EPHA6: variants seen among roughly 807,000 people sequenced by gnomAD.
EPHA6 encodes the protein ephrin type-A receptor 6.
In EPHA6, 50 loss-of-function variants were observed where a neutral mutation model predicts 112.0. The observed-to-expected ratio is 0.45, with a 90% CI of 0.36 to 0.56. The LOEUF is 0.56. Among genes scored for constraint, EPHA6 ranks in the 20% least tolerant of loss-of-function variants. The pLI, the probability that EPHA6 is intolerant of heterozygous loss-of-function variation, is 0.00. For synonymous variants in EPHA6, 529 were observed against 490.7 expected, an observed-to-expected ratio of 1.08 and a Z score of -1.03; for missense variants, 1,280 against 1,417.4, an observed-to-expected ratio of 0.90 and a Z score of 1.56.
intron 3 of EPHA6, among the ~76,000 whole-genome samples, chr3:97,177,036 C>T (rs2076855645): frequency 6.6e-6 from 1 of 151,788 alleles, no homozygotes; most frequent in East Asian, 1.9e-4. Flanking sequence ...AAATTTTCCT[C>T]TGAGTACTGC....
chr3:97,367,009 T>C (rs1291323862), intron 5 of EPHA6, among the ~76,000 whole-genome samples: 3 of 152,142 alleles, frequency 2.0e-5, no homozygotes, highest in African/African-American at 7.2e-5. Flanking sequence ...CATCCTCTTA[T>C]GACAGATGAA....
intron 16 of EPHA6, among the ~76,000 whole-genome samples, chr3:97,746,399 T>C (rs147826510): frequency 1.3e-5 from 2 of 151,884 alleles, no homozygotes; most frequent in East Asian, 3.9e-4. Context: ...TACCACCAAG[T>C]ATTTTTTAAA....
At chr3:97,704,387 C>T (rs1411159834) in intron 14 of EPHA6, among the ~76,000 whole-genome samples, 4 of 152,148 alleles carry the variant, frequency 2.6e-5, no homozygotes, top group Admixed American at 2.6e-4. Context: ...TTCTCTTTCT[C>T]TTCTGGACCT....
At chr3:97,704,042 A>G (rs1447847644) in intron 14 of EPHA6, among the ~76,000 whole-genome samples, 1 of 152,196 alleles carries the variant, frequency 6.6e-6, no homozygotes, top group East Asian at 1.9e-4. Context: ...ACTAAATTAT[A>G]TAAAACATAT....
intron 3 of EPHA6, among the ~76,000 whole-genome samples, chr3:97,083,331 C>T (rs1285856455): frequency 2.0e-5 from 3 of 151,934 alleles, no homozygotes; most frequent in Admixed American, 6.6e-5. Flanking sequence ...ATTCCAATAT[C>T]GCTTTTTGTT....
intron 5 of EPHA6, among the ~76,000 whole-genome samples, chr3:97,391,869 T>C (rs559779300): frequency 6.6e-6 from 1 of 152,022 alleles, no homozygotes; most frequent in South Asian, 2.1e-4. Flanking sequence ...ATGGGTTGTT[T>C]CACAGCCCCA....
chr3:97,093,994 G>A (rs899803244), intron 3 of EPHA6, among the ~76,000 whole-genome samples: 1 of 152,006 alleles, frequency 6.6e-6, no homozygotes, highest in Non-Finnish European at 1.5e-5. Context: ...AGAGCAAAGG[G>A]GTTACCTCTG....
rs550268195 is a variant in EPHA6, at chr3:97,183,617, C to A, written c.1115-42647C>A. On this transcript the variant is annotated intron_variant, in intron 3 of 17. Transcript: ENST00000389672. ...TTTCTTTGTCAATATCTCATGTTTT[C>A]TTTAATTAAATTAAACATAATGGCC... Among the ~76,000 whole-genome samples, 11 of 152,076 alleles carry A rather than the reference C, an allele frequency of 7.2e-5. No individual in the cohort carries two copies. The East Asian group carries it at 1.9e-3, about 27-fold the overall frequency.
At chr3:97,512,243 G>C (rs1278651225) in intron 10 of EPHA6, among the ~76,000 whole-genome samples, 1 of 151,934 alleles carries the variant, frequency 6.6e-6, no homozygotes, top group Non-Finnish European at 1.5e-5. Flanking sequence ...CTCAATCATG[G>C]TTTAATTTAC....
At chr3:97,652,094 C>A (rs2094111241) in intron 14 of EPHA6, among the ~76,000 whole-genome samples, 1 of 152,030 alleles carries the variant, frequency 6.6e-6, no homozygotes, top group Admixed American at 6.6e-5. Flanking sequence ...AACATACCTG[C>A]TGACATTAAA....
At chr3:97,067,566 A>G (rs2046216701) in intron 3 of EPHA6, among the ~76,000 whole-genome samples, 1 of 151,276 alleles carries the variant, frequency 6.6e-6, no homozygotes, top group Admixed American at 6.6e-5. Context: ...ACCAAAGAGA[A>G]GCAATAGTAG....
intron 3 of EPHA6, among the ~76,000 whole-genome samples, chr3:97,026,813 A>T (rs995810083): frequency 6.6e-6 from 1 of 152,166 alleles, no homozygotes; most frequent in Non-Finnish European, 1.5e-5. Context: ...TGGAGAAAAA[A>T]GAAATCATAT....
chr3:97,494,646 A>G (rs1271923097), intron 10 of EPHA6, among the ~76,000 whole-genome samples: 1 of 152,072 alleles, frequency 6.6e-6, no homozygotes, highest in Non-Finnish European at 1.5e-5. Flanking sequence ...AAGATAGCCC[A>G]TTCCCTTGGG....
At chr3:97,328,073 AT>A (rs2108809553) in intron 5 of EPHA6, among the ~76,000 whole-genome samples, 1 of 146,062 alleles carries the variant, frequency 6.8e-6, no homozygotes, top group African/African-American at 2.5e-5. Flanking sequence ...ATATATATAT[AT>A]ATATAACCTG....
intron 16 of EPHA6, among the ~76,000 whole-genome samples, chr3:97,742,161 C>A (rs557805582): frequency 2.0e-5 from 3 of 152,200 alleles, no homozygotes; most frequent in South Asian, 4.1e-4. Flanking sequence ...CTCACTATGG[C>A]AGATATTACT....
chr3:97,200,070 A>G (rs1462514380), intron 3 of EPHA6, among the ~76,000 whole-genome samples: 1 of 152,116 alleles, frequency 6.6e-6, no homozygotes, highest in Non-Finnish European at 1.5e-5. Flanking sequence ...TGTTTTGGGA[A>G]CAAATAGTTA....
chr3:97,572,147 CTTT>C (rs869271956), intron 11 of EPHA6, among the ~76,000 whole-genome samples: 2 of 128,350 alleles, frequency 1.6e-5, no homozygotes, highest in Non-Finnish European at 3.3e-5. Flanking sequence ...ATCTCTTTTC[CTTT>C]TTTTTTTTTT....
intron 4 of EPHA6, among the ~76,000 whole-genome samples, chr3:97,234,104 A>G (rs2078612405): frequency 6.6e-6 from 1 of 152,090 alleles, no homozygotes; most frequent in African/African-American, 2.4e-5. Context: ...ATCCTAATTT[A>G]TTCACATAAA....
At chr3:97,641,919 G>A (rs370412886) in intron 14 of EPHA6, among the ~76,000 whole-genome samples, 7 of 150,794 alleles carry the variant, frequency 4.6e-5, no homozygotes, top group Admixed American at 6.6e-5. Context: ...CAGGAAGCTC[G>A]AACTGGGTGG....
Sources: allele counts gnomAD v4.1 joint callset (sites outside exome capture counted in the v4.1 genomes callset), GRCh38; gene constraint gnomAD v4.1.1; transcripts MANE v1.5; gene names NCBI Gene and HGNC (gene_info 2026-07-23, HGNC 2026-07-21).